Variants in ANKS1B observed in about 807,000 individuals in gnomAD.
ANKS1B encodes ankyrin repeat and sterile alpha motif domain-containing protein 1B.
A neutral mutation model predicts 148.3 loss-of-function variants in ANKS1B; 36 were observed. The observed-to-expected ratio is 0.24, with a 90% CI of 0.19 to 0.32. ANKS1B has a LOEUF of 0.32. ANKS1B is among the 10% of genes least tolerant of loss of function. ANKS1B has a pLI of 1.00. For missense variants in ANKS1B, 1,157 were observed against 1,542.6 expected (o/e 0.75, Z 4.19); for synonymous variants, 542 against 560.8 (o/e 0.97, Z 0.47).
chr12:99,485,844 C>T (rs118070905), intron 10 of ANKS1B, among the ~76,000 whole-genome samples: 18 of 152,176 alleles, frequency 1.2e-4, no homozygotes, highest in East Asian at 1.9e-4. Context: ...CATTTTGTAA[C>T]GCCCTAAGTG....
chr12:99,573,897 C>CA (rs34321577), intron 9 of ANKS1B, among the ~76,000 whole-genome samples: 22 of 151,122 alleles, frequency 1.5e-4, no homozygotes, highest in African/African-American at 4.6e-4. Context: ...CTTCGCTACT[C>CA]AAAAAAAAAA....
chr12:99,675,335 ATAAAT>A (rs1403123303), intron 8 of ANKS1B, among the ~76,000 whole-genome samples: 2 of 152,190 alleles, frequency 1.3e-5, no homozygotes, highest in Admixed American at 1.3e-4. Flanking sequence ...ACACTGTTAA[ATAAAT>A]TAGAGTATAT....
At chr12:99,838,681 T>C (rs950107437) in intron 1 of ANKS1B, among the ~76,000 whole-genome samples, 1 of 152,152 alleles carries the variant, frequency 6.6e-6, no homozygotes, top group African/African-American at 2.4e-5. Flanking sequence ...CTTGGTACCA[T>C]TGAAAGAAAG....
intron 17 of ANKS1B, among the ~76,000 whole-genome samples, chr12:98,996,334 T>C (rs1395202983): frequency 2.6e-5 from 4 of 152,148 alleles, no homozygotes; most frequent in Non-Finnish European, 4.4e-5. Context: ...GATGAAAAGA[T>C]TTGCTTTTCA....
At chr12:99,972,126 C>T (rs770915721) in intron 1 of ANKS1B, among the ~76,000 whole-genome samples, 92 of 152,190 alleles carry the variant, frequency 6.0e-4, no homozygotes, top group Non-Finnish European at 1.0e-3. Context: ...ATCTCTCTCC[C>T]TCTCCTTGGG....
chr12:99,306,386 A>G (rs930170964), intron 12 of ANKS1B, among the ~76,000 whole-genome samples: 3 of 152,052 alleles, frequency 2.0e-5, no homozygotes, highest in African/African-American at 7.2e-5. Context: ...AGGTTTTTCC[A>G]TCACTGAACA....
intron 1 of ANKS1B, among the ~76,000 whole-genome samples, chr12:99,825,705 T>G (rs1439096598): frequency 6.6e-6 from 1 of 152,204 alleles, no homozygotes; most frequent in African/African-American, 2.4e-5. Flanking sequence ...TAGAAGCAAC[T>G]AACATTCAGC....
intron 17 of ANKS1B, among the ~76,000 whole-genome samples, chr12:98,923,625 A>G (rs1347725305): frequency 6.6e-6 from 1 of 152,170 alleles, no homozygotes; most frequent in African/African-American, 2.4e-5. Context: ...ATCTGTAGAA[A>G]CCACTTTTTA....
chr12:99,606,815 C>T (rs1009369793), intron 9 of ANKS1B, among the ~76,000 whole-genome samples: 1 of 152,054 alleles, frequency 6.6e-6, no homozygotes, highest in African/African-American at 2.4e-5. Flanking sequence ...ACAGGCTATT[C>T]ATCATCTTAT....
intron 17 of ANKS1B, among the ~76,000 whole-genome samples, chr12:99,030,699 A>G (rs1009568401): frequency 1.1e-4 from 17 of 152,220 alleles, no homozygotes; most frequent in African/African-American, 3.9e-4. Flanking sequence ...CTTGCTTTCA[A>G]TTAGAATGCG....
At chr12:99,828,030 G>A (rs1264175804) in intron 1 of ANKS1B, among the ~76,000 whole-genome samples, 1 of 152,060 alleles carries the variant, frequency 6.6e-6, no homozygotes, top group African/African-American at 2.4e-5. Flanking sequence ...GCCTAAAACA[G>A]AGACAACCCA....
intron 9 of ANKS1B, among the ~76,000 whole-genome samples, chr12:99,544,849 T>C (rs924111524): frequency 6.6e-6 from 1 of 152,172 alleles, no homozygotes; most frequent in African/African-American, 2.4e-5. Flanking sequence ...TTTTCACAAA[T>C]ACTATTTATA....
At chr12:99,440,102 T>G (rs2095525455) in intron 11 of ANKS1B, among the ~76,000 whole-genome samples, 1 of 151,692 alleles carries the variant, frequency 6.6e-6, no homozygotes, top group African/African-American at 2.4e-5. Context: ...TCCTAATACA[T>G]GATGATAAAA....
At chr12:99,454,165 T>A (rs527476541) in intron 10 of ANKS1B, among the ~76,000 whole-genome samples, 1 of 152,170 alleles carries the variant, frequency 6.6e-6, no homozygotes, top group South Asian at 2.1e-4. Flanking sequence ...GTTGGCAAGA[T>A]AAAGTATTCA....
intron 8 of ANKS1B, among the ~76,000 whole-genome samples, chr12:99,734,971 G>A (rs2059486519): frequency 6.6e-6 from 1 of 151,956 alleles, no homozygotes; most frequent in African/African-American, 2.4e-5. Context: ...CTCTATTATG[G>A]TTACTGGTAC....
intron 25 of ANKS1B, among the ~76,000 whole-genome samples, chr12:98,754,952 G>A (rs1183387897): frequency 6.6e-6 from 1 of 152,152 alleles, no homozygotes; most frequent in Non-Finnish European, 1.5e-5. Flanking sequence ...GCTTTGTCAA[G>A]TTTCTTTTGT....
At chr12:99,583,518 C>G (rs150417885) in intron 9 of ANKS1B, among the ~76,000 whole-genome samples, 1 of 152,144 alleles carries the variant, frequency 6.6e-6, no homozygotes, top group Non-Finnish European at 1.5e-5. Context: ...ATGACTAACA[C>G]TATTTTATGA....
intron 9 of ANKS1B, among the ~76,000 whole-genome samples, chr12:99,640,772 G>T (rs944914723): frequency 6.6e-6 from 1 of 152,180 alleles, no homozygotes. Flanking sequence ...TGGATCAATG[G>T]ATAAATTGGT....
intron 17 of ANKS1B, among the ~76,000 whole-genome samples, chr12:98,994,328 T>C (rs1379264814): frequency 1.3e-5 from 2 of 151,998 alleles, no homozygotes; most frequent in African/African-American, 4.8e-5. Flanking sequence ...CAAGATTTAG[T>C]GGTTAGGCCA....
Sources: allele counts gnomAD v4.1 joint callset (sites outside exome capture counted in the v4.1 genomes callset), GRCh38; gene constraint gnomAD v4.1.1; transcripts MANE v1.5; gene names NCBI Gene and HGNC (gene_info 2026-07-23, HGNC 2026-07-21).